Variants in CNTNAP2 observed in about 807,000 individuals in gnomAD.
The protein encoded by CNTNAP2 is contactin associated protein 2.
CNTNAP2 carries 98 observed loss-of-function variants against 155.2 expected under a neutral mutation model. The ratio of observed to expected loss-of-function variants is 0.63; its 90% CI spans 0.54 to 0.75. The LOEUF (loss-of-function observed/expected upper bound fraction) is 0.75. Ranked by LOEUF, CNTNAP2 falls within the 30% of genes least tolerant of loss-of-function variation. CNTNAP2 has a pLI of 0.00. For missense variants in CNTNAP2, 1,727 were observed against 1,688.1 expected (o/e 1.02, Z -0.40); for synonymous variants, 651 against 631.2 (o/e 1.03, Z -0.47).
chr7:147,820,093 T>C (rs1025387890), intron 13 of CNTNAP2, among the ~76,000 whole-genome samples: 4 of 152,138 alleles, frequency 2.6e-5, no homozygotes, highest in African/African-American at 4.8e-5. Flanking sequence ...AAAGGAGTTA[T>C]ACCTATTTAC....
chr7:148,238,252 G>A (rs1268593470), intron 20 of CNTNAP2, among the ~76,000 whole-genome samples: 6 of 152,198 alleles, frequency 3.9e-5, no homozygotes, highest in Non-Finnish European at 7.3e-5. Context: ...AGGGGGCTGA[G>A]ACAGGAGAAT....
chr7:146,497,609 A>G (rs1235811859), intron 1 of CNTNAP2, among the ~76,000 whole-genome samples: 1 of 151,928 alleles, frequency 6.6e-6, no homozygotes, highest in East Asian at 1.9e-4. Context: ...CTTCTCCAAC[A>G]AAATTCTTAC....
chr7:146,582,159 G>T (rs1020544237), intron 1 of CNTNAP2, among the ~76,000 whole-genome samples: 1 of 152,248 alleles, frequency 6.6e-6, no homozygotes, highest in African/African-American at 2.4e-5. Context: ...AAAAAGTCTA[G>T]TCTGGAGTGG....
intron 2 of CNTNAP2, among the ~76,000 whole-genome samples, chr7:146,787,459 C>T (rs1031004668): frequency 8.5e-5 from 13 of 152,108 alleles, no homozygotes; most frequent in African/African-American, 1.2e-4. Flanking sequence ...CAGACCTTTG[C>T]GGTGTTACAG....
rs535496985 is a variant in CNTNAP2, at chr7:146,481,905, G to GT, written c.98-292365dup. Among the ~76,000 whole-genome samples, 732 of 152,216 alleles carry GT rather than the reference G, an allele frequency of 4.8e-3. 7 individuals are homozygous for GT. Among genetic ancestry groups the GT allele is most frequent in the African/African-American group, 0.016 (683 of 41,528 alleles). On this transcript the variant is annotated intron_variant, in intron 1 of 23. Coordinates refer to ENST00000361727, the MANE Select transcript of CNTNAP2 (RefSeq NM_014141.6). ...GTGAAAACTTCACCAAGAATTTATTGTAAGTGTCCCAGTTTAATAGTGCCC... is the reference window on the plus strand; with the variant it reads ...GTGAAAACTTCACCAAGAATTTATTGTTAAGTGTCCCAGTTTAATAGTGCCC...
intron 13 of CNTNAP2, among the ~76,000 whole-genome samples, chr7:147,800,029 C>T (rs972716469): frequency 4.6e-5 from 7 of 152,112 alleles, no homozygotes; most frequent in African/African-American, 1.4e-4. Context: ...GATACAAATT[C>T]TTCACACAAT....
At chr7:146,493,313 T>C (rs571107573) in intron 1 of CNTNAP2, among the ~76,000 whole-genome samples, 1 of 152,184 alleles carries the variant, frequency 6.6e-6, no homozygotes, top group Admixed American at 6.5e-5. Context: ...CAAAAAAATC[T>C]AGAAAATGAA....
chr7:146,160,937 G>A (rs138699499), intron 1 of CNTNAP2, among the ~76,000 whole-genome samples: 26,670 of 152,046 alleles, frequency 0.18, 2,898 homozygotes, highest in East Asian at 0.28. Context: ...GATGAATATC[G>A]ATGCAAAAAT....
chr7:148,207,894 G>A (rs1487889619), intron 18 of CNTNAP2, among the ~76,000 whole-genome samples: 3 of 152,132 alleles, frequency 2.0e-5, no homozygotes, highest in Non-Finnish European at 4.4e-5. Context: ...TCAGGAGATC[G>A]AGACCACGGT....
intron 1 of CNTNAP2, among the ~76,000 whole-genome samples, chr7:146,744,398 G>GA (rs1323064125): frequency 5.3e-5 from 8 of 152,200 alleles, no homozygotes; most frequent in South Asian, 2.1e-4. Flanking sequence ...TTCTTATGCT[G>GA]ATTATTCTGT....
rs149174297 is a variant in CNTNAP2 at position 148,077,365 on chromosome 7, G to A, written c.2384-40753G>A. On this transcript the variant is annotated intron_variant, in intron 15 of 23. Coordinates refer to ENST00000361727, the MANE Select transcript of CNTNAP2 (RefSeq NM_014141.6). The stretch of plus-strand genomic sequence containing the variant: ...TATGAAAGTTCTAATTCATATTTAA[G>A]GAAACATCTGCTTCTACATGTGTTT... 6.4e-3 allele frequency among the ~76,000 whole-genome samples: 975 copies of A among 151,786 alleles called. 15 individuals are homozygous for A. Among genetic ancestry groups the A allele is most frequent in the Middle Eastern group, 0.024 (7 of 288 alleles).
intron 15 of CNTNAP2, among the ~76,000 whole-genome samples, chr7:148,075,356 G>A (rs1489765771): frequency 6.6e-6 from 1 of 151,974 alleles, no homozygotes; most frequent in Non-Finnish European, 1.5e-5. Flanking sequence ...AGAATCGCTT[G>A]AACCCGGGAG....
chr7:146,542,991 A>G (rs1005422133), intron 1 of CNTNAP2, among the ~76,000 whole-genome samples: 2 of 151,844 alleles, frequency 1.3e-5, no homozygotes, highest in African/African-American at 4.8e-5. Context: ...CAAGAAATGT[A>G]TTGTACCACA....
chr7:147,761,757 C>A (rs1158189126), intron 13 of CNTNAP2, among the ~76,000 whole-genome samples: 4 of 152,106 alleles, frequency 2.6e-5, no homozygotes, highest in Non-Finnish European at 5.9e-5. Flanking sequence ...ACCTGAAGAT[C>A]TTTTAATTAA....
chr7:148,172,912 G>A (rs948987323), intron 18 of CNTNAP2, among the ~76,000 whole-genome samples: 7 of 152,096 alleles, frequency 4.6e-5, no homozygotes, highest in African/African-American at 1.7e-4. Context: ...CCCTGCAGTT[G>A]CTAAGAGACT....
chr7:147,876,188 G>T (rs2116708183), intron 13 of CNTNAP2, among the ~76,000 whole-genome samples: 1 of 152,178 alleles, frequency 6.6e-6, no homozygotes, highest in African/African-American at 2.4e-5. Flanking sequence ...CTGTCTCTCT[G>T]TCCTGCTCTC....
chr7:147,115,195 G>A (rs1800961739), intron 5 of CNTNAP2, among the ~76,000 whole-genome samples: 1 of 152,158 alleles, frequency 6.6e-6, no homozygotes, highest in South Asian at 2.1e-4. Flanking sequence ...AGTCAGATGG[G>A]CTTCCCTTAG....
Position 148,415,910 on chromosome 7 carries a change from T to C in CNTNAP2, c.*294T>C. 1 of 504,778 alleles carries C rather than the reference T, an allele frequency of 2.0e-6. No individual in the cohort carries two copies. The allele number at this position is 504,778 out of a possible 1,614,324, so 31.3% of individuals were successfully genotyped here. On this transcript the variant is annotated 3_prime_UTR_variant, in exon 24 of 24. Transcript: ENST00000361727. Reference sequence around the variant, plus strand: ...TTTGTAGGTACTATCTGTCTTATTTTGTGTGTGTTTAGAGGTGTTCTAAAG... The same window carrying C: ...TTTGTAGGTACTATCTGTCTTATTTCGTGTGTGTTTAGAGGTGTTCTAAAG...
chr7:146,631,354 A>C (rs886275330), intron 1 of CNTNAP2, among the ~76,000 whole-genome samples: 25 of 152,310 alleles, frequency 1.6e-4, no homozygotes, highest in Admixed American at 1.2e-3. Flanking sequence ...ATATTCAAAA[A>C]TAAATTCTGC....
Sources: gnomAD v4.1 joint callset for allele counts (sites outside exome capture counted in the v4.1 genomes callset) on GRCh38, gnomAD v4.1.1 for gene constraint, MANE v1.5 for transcripts, NCBI Gene and HGNC (gene_info 2026-07-23, HGNC 2026-07-21) for gene names.